OPCML: variants seen among roughly 807,000 people sequenced by gnomAD.
OPCML encodes opioid binding protein/cell adhesion molecule like.
Under a neutral mutation model 37.8 loss-of-function variants are expected in OPCML, and 13 were observed. That is an observed-to-expected ratio of 0.34 (90% CI 0.22 to 0.55). The LOEUF (loss-of-function observed/expected upper bound fraction) is 0.55, where lower values mean the gene tolerates loss of function less well. Ranked by LOEUF, OPCML falls within the 20% of genes least tolerant of loss-of-function variation. The pLI, the probability that OPCML is intolerant of heterozygous loss-of-function variation, is 0.91. For synonymous variants in OPCML, 176 were observed against 168.8 expected (o/e 1.04, Z -0.33); for missense variants, 341 against 435.6 (o/e 0.78, Z 1.93).
intron 3 of OPCML, among the ~76,000 whole-genome samples, chr11:132,593,263 T>C (rs1381439845): frequency 6.6e-6 from 1 of 151,984 alleles, no homozygotes; most frequent in East Asian, 1.9e-4. Flanking sequence ...AGCAAGGATG[T>C]CGGTGTGGCT....
At chr11:133,322,575 C>T (rs1943357814) in intron 1 of OPCML, among the ~76,000 whole-genome samples, 1 of 152,036 alleles carries the variant, frequency 6.6e-6, no homozygotes, top group Non-Finnish European at 1.5e-5. Flanking sequence ...TCAACTACTG[C>T]ATTAAAGATC....
At chr11:133,471,613 A>G (rs1196479069) in intron 1 of OPCML, among the ~76,000 whole-genome samples, 1 of 152,134 alleles carries the variant, frequency 6.6e-6, no homozygotes, top group Non-Finnish European at 1.5e-5. Flanking sequence ...AATATGAAAC[A>G]TGATTTCTTA....
intron 4 of OPCML, among the ~76,000 whole-genome samples, chr11:132,478,791 C>T (rs2096166712): frequency 6.6e-6 from 1 of 152,106 alleles, no homozygotes; most frequent in Admixed American, 6.6e-5. Flanking sequence ...GCGCTTATTA[C>T]CCATGGTTGC....
At chr11:132,855,714 G>A (rs1220469277) in intron 2 of OPCML, among the ~76,000 whole-genome samples, 1 of 152,176 alleles carries the variant, frequency 6.6e-6, no homozygotes, top group Non-Finnish European at 1.5e-5. Context: ...TCATCAGAGT[G>A]CCTGAGGCAG....
At chr11:133,076,663 G>C (rs1591978764) in intron 1 of OPCML, among the ~76,000 whole-genome samples, 1 of 151,784 alleles carries the variant, frequency 6.6e-6, no homozygotes, top group East Asian at 1.9e-4. Context: ...CCCACCCCCC[G>C]CATAGAATCA....
intron 1 of OPCML, among the ~76,000 whole-genome samples, chr11:133,274,610 A>ACTT (rs1227194319): frequency 6.6e-6 from 1 of 152,126 alleles, no homozygotes; most frequent in Non-Finnish European, 1.5e-5. Context: ...TGGTTGTGGT[A>ACTT]CTTTGTTATG....
At chr11:133,108,458 A>T (rs1199152341) in intron 1 of OPCML, among the ~76,000 whole-genome samples, 1 of 152,166 alleles carries the variant, frequency 6.6e-6, no homozygotes, top group African/African-American at 2.4e-5. Context: ...TCCATCATAC[A>T]TCAAGGAGGA....
intron 1 of OPCML, among the ~76,000 whole-genome samples, chr11:133,094,232 T>C (rs944161664): frequency 1.3e-5 from 2 of 152,216 alleles, no homozygotes; most frequent in African/African-American, 4.8e-5. Context: ...AAATGGTATA[T>C]GTTTGAGCCA....
intron 1 of OPCML, among the ~76,000 whole-genome samples, chr11:133,150,422 G>A (rs1949962157): frequency 1.3e-5 from 2 of 152,162 alleles, no homozygotes; most frequent in South Asian, 4.1e-4. Context: ...TGCAGCTGGG[G>A]TTTCAACCCA....
chr11:132,657,750 C>A (rs1275215174), intron 2 of OPCML, among the ~76,000 whole-genome samples: 2 of 152,078 alleles, frequency 1.3e-5, no homozygotes, highest in African/African-American at 2.4e-5. Flanking sequence ...TGTAGTTAAT[C>A]AAAAATTGAA....
chr11:133,351,048 A>C (rs1944125483), intron 1 of OPCML, among the ~76,000 whole-genome samples: 1 of 152,200 alleles, frequency 6.6e-6, no homozygotes, highest in African/African-American at 2.4e-5. Context: ...TCTCAGGTCA[A>C]TAGAAGGAAT....
chr11:132,711,307 G>GA (rs2135949215), intron 2 of OPCML, among the ~76,000 whole-genome samples: 1 of 152,244 alleles, frequency 6.6e-6, no homozygotes, highest in East Asian at 1.9e-4. Flanking sequence ...TTGGCAAATG[G>GA]AAAAAATGGA....
At chr11:133,524,303 TC>T (rs1171800943) in intron 1 of OPCML, among the ~76,000 whole-genome samples, 1 of 152,180 alleles carries the variant, frequency 6.6e-6, no homozygotes, top group Non-Finnish European at 1.5e-5. Flanking sequence ...CTTTTTTATA[TC>T]CTGTGATTTG....
At chr11:132,778,949 G>A (rs1205683890) in intron 2 of OPCML, among the ~76,000 whole-genome samples, 3 of 150,302 alleles carry the variant, frequency 2.0e-5, no homozygotes, top group Admixed American at 6.7e-5. Flanking sequence ...ATTACACTGA[G>A]GTGGTATATT....
At chr11:133,187,816 TGAA>T (rs1938153365) in intron 1 of OPCML, among the ~76,000 whole-genome samples, 1 of 152,190 alleles carries the variant, frequency 6.6e-6, no homozygotes, top group African/African-American at 2.4e-5. Context: ...AATATTCCCA[TGAA>T]GTACAGTGTA....
At chr11:133,460,405 A>G (rs1946830891) in intron 1 of OPCML, among the ~76,000 whole-genome samples, 1 of 151,900 alleles carries the variant, frequency 6.6e-6, no homozygotes, top group Non-Finnish European at 1.5e-5. Flanking sequence ...AATAGAGAAA[A>G]TCAGTAAAAT....
chr11:133,097,980 T>C (rs1222592771), intron 1 of OPCML, among the ~76,000 whole-genome samples: 1 of 152,206 alleles, frequency 6.6e-6, no homozygotes, highest in Non-Finnish European at 1.5e-5. Flanking sequence ...TTTCTGATGA[T>C]AGAAGTAGAG....
At chr11:132,626,351 G>T (rs1415226406) in intron 3 of OPCML, among the ~76,000 whole-genome samples, 3 of 151,994 alleles carry the variant, frequency 2.0e-5, no homozygotes, top group Non-Finnish European at 1.5e-5. Flanking sequence ...GAGCTGTAGA[G>T]GCTGGGGCAT....
chr11:132,560,901 C>T (rs978754242), intron 3 of OPCML, among the ~76,000 whole-genome samples: 1 of 152,144 alleles, frequency 6.6e-6, no homozygotes, highest in Admixed American at 6.5e-5. Flanking sequence ...TTTTGCTGTG[C>T]AGAAGCTGTT....
Sources: gnomAD v4.1 joint callset for allele counts (sites outside exome capture counted in the v4.1 genomes callset) on GRCh38, gnomAD v4.1.1 for gene constraint, MANE v1.5 for transcripts, NCBI Gene and HGNC (gene_info 2026-07-23, HGNC 2026-07-21) for gene names.